MYO10: variants seen among roughly 807,000 people sequenced by gnomAD.
The protein encoded by MYO10 is unconventional myosin-X.
MYO10 carries 133 observed loss-of-function variants against 257.3 expected under a neutral mutation model. The observed-to-expected ratio is 0.52, with a 90% CI of 0.45 to 0.60. The LOEUF (loss-of-function observed/expected upper bound fraction) is 0.60, where lower values mean the gene tolerates loss of function less well. Among genes scored for constraint, MYO10 ranks in the 20% least tolerant of loss-of-function variants. MYO10 has a pLI of 0.00. For synonymous variants in MYO10, 1,104 were observed against 1,028.6 expected, an observed-to-expected ratio of 1.07 and a Z score of -1.40; for missense variants, 2,399 against 2,635.7, an observed-to-expected ratio of 0.91 and a Z score of 1.97.
chr5:16,681,507 GAAA>G lies in MYO10; in HGVS notation c.4190-7_4190-5del. Reference sequence around the variant, plus strand: ...TTCACCTCTTTGTGCAACCATCCTGGAAAAAAAGATTAAAGTGTAAATTAAAAT... The same window carrying G: ...TTCACCTCTTTGTGCAACCATCCTGGAAAAGATTAAAGTGTAAATTAAAAT... On this transcript the variant is annotated splice_region_variant and splice_polypyrimidine_tract_variant and intron_variant, in intron 31 of 40. Transcript: ENST00000513610. 1 of 1,594,146 alleles carries G rather than the reference GAAA, an allele frequency of 6.3e-7. No individual in the cohort carries two copies. The highest frequency in any genetic ancestry group is 1.4e-5 in the African/African-American group (1 of 73,532).
chr5:16,757,013 G>T (rs1740547136), intron 18 of MYO10, among the ~76,000 whole-genome samples: 1 of 151,748 alleles, frequency 6.6e-6, no homozygotes, highest in Non-Finnish European at 1.5e-5. Flanking sequence ...CAGCTACTTG[G>T]GAGGCTGAGG....
intron 1 of MYO10, among the ~76,000 whole-genome samples, chr5:16,916,715 C>G (rs1745832052): frequency 6.6e-6 from 1 of 152,052 alleles, no homozygotes; most frequent in Admixed American, 6.6e-5. Context: ...GGCAAGAAAA[C>G]AATAGGCTTG....
intron 4 of MYO10, among the ~76,000 whole-genome samples, chr5:16,787,930 T>C (rs1741637756): frequency 6.6e-6 from 1 of 152,110 alleles, no homozygotes. Context: ...GTAGCTGGGA[T>C]TACAGGCGCC....
intron 4 of MYO10, among the ~76,000 whole-genome samples, chr5:16,788,399 G>T (rs1466007477): frequency 6.6e-6 from 1 of 152,124 alleles, no homozygotes; most frequent in Non-Finnish European, 1.5e-5. Context: ...CTTATGACTG[G>T]CATACTTTAC....
intron 9 of MYO10, among the ~76,000 whole-genome samples, chr5:16,778,603 CTGCTCT>C (rs1215336359): frequency 6.6e-6 from 1 of 151,706 alleles, no homozygotes; most frequent in East Asian, 1.9e-4. Context: ...GAAGAGAAGC[CTGCTCT>C]CTTCCGCTCC....
In MYO10 at chr5:16,766,621, G is replaced by A. The variant is rs1740877446; in HGVS notation, c.1061-423C>T. Among the ~76,000 whole-genome samples the A allele has an allele frequency of 2.0e-5, 3 of 152,122 alleles. No individual in the cohort carries two copies. In the South Asian group the frequency reaches 6.2e-4, roughly 32 times the overall value. On this transcript the variant is annotated intron_variant, in intron 10 of 40. Transcript: ENST00000513610. The stretch of plus-strand genomic sequence containing the variant: ...ATTTTTTTGCATATTTAGTAGAGAT[G>A]GGGTTTCATCATGTTGGCCAGGATG...
chr5:16,756,880 C>A (rs1241884204), intron 18 of MYO10, among the ~76,000 whole-genome samples: 1 of 152,018 alleles, frequency 6.6e-6, no homozygotes, highest in Non-Finnish European at 1.5e-5. Context: ...GCAGGAGGAT[C>A]GCTGGAGGCC....
intron 3 of MYO10, among the ~76,000 whole-genome samples, chr5:16,809,617 A>G (rs1742374214): frequency 6.6e-6 from 1 of 152,366 alleles, no homozygotes; most frequent in South Asian, 2.1e-4. Flanking sequence ...TTAATTCAGA[A>G]GCAACATCAA....
intron 4 of MYO10, 43 bp from the exon 5 acceptor site, chr5:16,783,512 T>G: frequency 6.4e-7 from 1 of 1,574,254 alleles, no homozygotes; most frequent in Non-Finnish European, 8.6e-7. Flanking sequence ...AACTATAATT[T>G]TTAAAAAAAA....
At chr5:16,848,417 C>T (rs1235908183) in intron 2 of MYO10, among the ~76,000 whole-genome samples, 1 of 152,080 alleles carries the variant, frequency 6.6e-6, no homozygotes, top group Non-Finnish European at 1.5e-5. Flanking sequence ...GCTTCGGCCT[C>T]CCAAAGGGCT....
chr5:16,734,508 A>G (rs180912463), intron 19 of MYO10, among the ~76,000 whole-genome samples: 101 of 152,274 alleles, frequency 6.6e-4, no homozygotes, highest in African/African-American at 2.3e-3. Context: ...TTCTCTACCA[A>G]GACTCCCGAT....
At position 16,680,556 on chromosome 5, in the gene MYO10, C is replaced by T. The variant is rs1355981912; in HGVS notation, c.4385-452G>A. ...TGTGTGAGTTCAGAGGCAAGCTGTC[C>T]GAACCGTCACCCAAACCTGACGCGA... On this transcript the variant is annotated intron_variant, in intron 32 of 40. Transcript: ENST00000513610. Among the ~76,000 whole-genome samples, 5 of 152,178 alleles carry T rather than the reference C, an allele frequency of 3.3e-5. No homozygotes were observed. In the South Asian group the frequency reaches 6.2e-4, roughly 19 times the overall value.
At chr5:16,854,676 G>A (rs1743908341) in intron 2 of MYO10, among the ~76,000 whole-genome samples, 1 of 152,126 alleles carries the variant, frequency 6.6e-6, no homozygotes, top group Non-Finnish European at 1.5e-5. Flanking sequence ...CCACTGAATT[G>A]GCAGTTTAAG....
In MYO10 at chr5:16,691,007, C is replaced by A. The variant is rs192112117; in HGVS notation, c.3801-1088G>T. 7.4e-3 allele frequency among the ~76,000 whole-genome samples: 1,118 copies of A among 151,362 alleles called. 5 individuals are homozygous for A. The highest frequency in any genetic ancestry group is 0.01 in the South Asian group (48 of 4,756). On this transcript the variant is annotated intron_variant, in intron 27 of 40. Transcript: ENST00000513610. Reference sequence around the variant, plus strand: ...ATGTTCGGCCGGGCGTGGTGGCTCACGCCTGTAATCCCAGCACTTTGGGAG... The same window carrying A: ...ATGTTCGGCCGGGCGTGGTGGCTCAAGCCTGTAATCCCAGCACTTTGGGAG...
chr5:16,864,668 T>G (rs897714481), intron 2 of MYO10, among the ~76,000 whole-genome samples: 1 of 152,212 alleles, frequency 6.6e-6, no homozygotes, highest in Non-Finnish European at 1.5e-5. Context: ...TTTGTAAACA[T>G]GCACATGTTT....
At chr5:16,825,269 ACT>A (rs1446635722) in intron 2 of MYO10, among the ~76,000 whole-genome samples, 6 of 151,952 alleles carry the variant, frequency 3.9e-5, no homozygotes, top group Non-Finnish European at 8.8e-5. Context: ...CACCCCTGCC[ACT>A]CTCTTCCTTA....
intron 1 of MYO10, among the ~76,000 whole-genome samples, chr5:16,917,526 A>C (rs974253853): frequency 2.0e-5 from 3 of 152,056 alleles, no homozygotes; most frequent in Admixed American, 6.6e-5. Context: ...GTGAGGCAAA[A>C]GTGCCTCCAG....
intron 3 of MYO10, among the ~76,000 whole-genome samples, chr5:16,815,741 A>G (rs1392196961): frequency 6.6e-6 from 1 of 152,208 alleles, no homozygotes; most frequent in East Asian, 1.9e-4. Context: ...ATGCAGTGGT[A>G]TTCTATGGGA....
At position 16,673,777 on chromosome 5, in the gene MYO10, C is replaced by T. The variant is rs1265202492; in HGVS notation, c.5077G>A (p.Ala1693Thr). The T allele has an allele frequency of 6.2e-7, 1 of 1,613,868 alleles. No homozygotes were observed. The highest frequency in any genetic ancestry group is 1.3e-5 in the African/African-American group (1 of 74,910). ...EFVPSRDEIE[A>T]LIHRQEMTST... ...GTCATTTCCTGCCTGTGGATCAGAGCTTCTATTTCATCTCGGGAAGGCACA... is the reference window on the plus strand; with the variant it reads ...GTCATTTCCTGCCTGTGGATCAGAGTTTCTATTTCATCTCGGGAAGGCACA... Residue 1693 changes from alanine to threonine, a missense_variant, in exon 36 of 41, where the codon GCT (alanine) becomes ACT (threonine). Ala to Thr is a moderately conservative substitution (Grantham distance 58). This residue lies in a region of MYO10 where 1,820 missense variants were observed against 1,939.4 expected (regional missense o/e 0.94). Coordinates refer to ENST00000513610, the MANE Select transcript of MYO10 (RefSeq NM_012334.3).
Sources: allele counts gnomAD v4.1 joint callset (sites outside exome capture counted in the v4.1 genomes callset), GRCh38; gene constraint gnomAD v4.1.1; regional missense constraint gnomAD v4.1.1; transcripts MANE v1.5; gene names NCBI Gene and HGNC (gene_info 2026-07-23, HGNC 2026-07-21).